Variants in ACSS3 observed in about 807,000 individuals in gnomAD.
ACSS3 encodes the protein acyl-CoA synthetase short-chain family member 3, mitochondrial.
ACSS3 carries 64 observed loss-of-function variants against 84.2 expected under a neutral mutation model. That is an observed-to-expected ratio of 0.76 (90% CI 0.62 to 0.94). The LOEUF (loss-of-function observed/expected upper bound fraction) is 0.94, where lower values mean the gene tolerates loss of function less well. Among genes scored for constraint, ACSS3 ranks in the 40% least tolerant of loss-of-function variants. ACSS3 has a pLI of 0.00. For synonymous variants in ACSS3, 317 were observed against 310.1 expected (o/e 1.02, Z -0.23); for missense variants, 815 against 867.6 (o/e 0.94, Z 0.76).
intron 8 of ACSS3, among the ~76,000 whole-genome samples, chr12:81,176,081 T>C (rs746434259): frequency 2.8e-4 from 43 of 151,946 alleles, no homozygotes; most frequent in Non-Finnish European, 4.9e-4. Flanking sequence ...TTTTAAAGAA[T>C]AAAAATCTTG....
At chr12:81,087,442 G>A (rs1881390672) in intron 1 of ACSS3, among the ~76,000 whole-genome samples, 1 of 151,754 alleles carries the variant, frequency 6.6e-6, no homozygotes, top group Non-Finnish European at 1.5e-5. Context: ...AAGAGGAAGA[G>A]AAGAAGAAGA....
chr12:81,190,403 A>G (rs953086951), intron 8 of ACSS3, among the ~76,000 whole-genome samples: 3 of 152,030 alleles, frequency 2.0e-5, no homozygotes, highest in Non-Finnish European at 1.5e-5. Context: ...GGTATTGTTT[A>G]CATTTGCATT....
chr12:81,105,984 A>G (rs1199818066), intron 1 of ACSS3, among the ~76,000 whole-genome samples: 1 of 152,192 alleles, frequency 6.6e-6, no homozygotes, highest in African/African-American at 2.4e-5. Flanking sequence ...AGGAACTGCA[A>G]AGTTTGTAAT....
chr12:81,212,363 A>C (rs898348783), intron 9 of ACSS3, among the ~76,000 whole-genome samples: 2 of 152,168 alleles, frequency 1.3e-5, no homozygotes, highest in Non-Finnish European at 2.9e-5. Context: ...CAGTAATGCT[A>C]TTTGCAAGTA....
At chr12:81,197,371 A>G (rs1384086743) in intron 8 of ACSS3, among the ~76,000 whole-genome samples, 1 of 152,172 alleles carries the variant, frequency 6.6e-6, no homozygotes, top group Non-Finnish European at 1.5e-5. Context: ...AAGATTATCT[A>G]TAAAAGTTGG....
chr12:81,082,693 A>G (rs1243480332), intron 1 of ACSS3, among the ~76,000 whole-genome samples: 1 of 152,200 alleles, frequency 6.6e-6, no homozygotes, highest in Non-Finnish European at 1.5e-5. Flanking sequence ...CTGGCATATA[A>G]TACCTGTCAG....
intron 7 of ACSS3, among the ~76,000 whole-genome samples, chr12:81,173,294 A>C (rs971817500): frequency 2.0e-5 from 3 of 152,150 alleles, no homozygotes; most frequent in Non-Finnish European, 2.9e-5. Flanking sequence ...TATTATTTGC[A>C]TGTGTTGATT....
chr12:81,078,095 T>C lies in ACSS3; in HGVS notation c.-26T>C. On this transcript the variant is annotated 5_prime_UTR_variant, in exon 1 of 16. Coordinates refer to ENST00000548058, the MANE Select transcript of ACSS3 (RefSeq NM_024560.4). Reference sequence around the variant, plus strand: ...TGCAAGAGTACCATTTGTCGCACACTCGGGGACCGCGGGTGGCCGGAGGAG... The same window carrying C: ...TGCAAGAGTACCATTTGTCGCACACCCGGGGACCGCGGGTGGCCGGAGGAG... 2.7e-6 allele frequency: 4 copies of C among 1,457,390 alleles called. No homozygotes were observed. The highest frequency in any genetic ancestry group is 3.6e-6 in the Non-Finnish European group (4 of 1,106,652). 90.3% of individuals were successfully genotyped at this position (1,457,390 alleles called of 1,614,324 possible). A position where few individuals can be genotyped will look rare whatever the true frequency, so the allele number is the denominator to read the frequency against.
intron 11 of ACSS3, among the ~76,000 whole-genome samples, chr12:81,223,602 GTA>G (rs1160774022): frequency 6.6e-6 from 1 of 152,002 alleles, no homozygotes; most frequent in East Asian, 1.9e-4. Flanking sequence ...ACATAACAAA[GTA>G]TGCAACATTA....
chr12:81,126,726 G>A (rs1456773353), intron 2 of ACSS3, among the ~76,000 whole-genome samples: 1 of 152,206 alleles, frequency 6.6e-6, no homozygotes, highest in East Asian at 1.9e-4. Flanking sequence ...ATTATTTTGA[G>A]CTTGAACTAA....
chr12:81,191,237 C>T (rs1368225603), intron 8 of ACSS3, among the ~76,000 whole-genome samples: 1 of 151,998 alleles, frequency 6.6e-6, no homozygotes, highest in Non-Finnish European at 1.5e-5. Flanking sequence ...TGGTATTGAA[C>T]ATTCTATGAA....
intron 1 of ACSS3, among the ~76,000 whole-genome samples, chr12:81,096,243 C>T (rs1380846326): frequency 1.3e-5 from 2 of 152,120 alleles, no homozygotes; most frequent in South Asian, 2.1e-4. Flanking sequence ...GAGAAAGTGT[C>T]AGGAGAGAAT....
chr12:81,109,782 G>C (rs1883418815), intron 2 of ACSS3, 78 bp downstream of exon 2: 3 of 1,191,140 alleles, frequency 2.5e-6, no homozygotes, highest in Admixed American at 2.8e-5. Context: ...TCATTGTAGA[G>C]CCTTCAATTC....
chr12:81,144,314 G>A (rs1886224342), intron 5 of ACSS3, among the ~76,000 whole-genome samples: 1 of 152,074 alleles, frequency 6.6e-6, no homozygotes, highest in African/African-American at 2.4e-5. Flanking sequence ...ATAAATTTTT[G>A]TTGAATTCAT....
chr12:81,206,990 T>C lies in ACSS3; in HGVS notation c.1354+7546T>C, dbSNP rs537342956. On this transcript the variant is annotated intron_variant, in intron 9 of 15. Transcript: ENST00000548058. ...CACAAATTAGTTCAGAGATGTAGAA[T>C]TGTGTTTTGGAATCACTATTTGTGC... 2.1e-4 allele frequency among the ~76,000 whole-genome samples: 32 copies of C among 152,262 alleles called. No individual in the cohort carries two copies. The South Asian group carries it at 6.4e-3, about 31-fold the overall frequency.
Position 81,174,902 on chromosome 12 carries a change from C to G in ACSS3, c.1213C>G (p.Pro405Ala). 6.2e-7 allele frequency: 1 copy of G among 1,613,816 alleles called. No individual in the cohort carries two copies. Among genetic ancestry groups the G allele is most frequent in the Non-Finnish European group, 8.5e-7 (1 of 1,179,836 alleles). Reference sequence around the variant, plus strand: ...AATTAGAGCAATCCGTCAACAGGACCCTGGGGCAGCTTTGGGGAAGCAGTA... The same window carrying G: ...AATTAGAGCAATCCGTCAACAGGACGCTGGGGCAGCTTTGGGGAAGCAGTA... ...TAIRAIRQQD[P>A]GAALGKQYSL... The change falls in exon 8 of 16, where the codon CCT becomes GCT. Residue 405 changes from proline (P) to alanine (A), a missense_variant. Pro to Ala is a conservative substitution (Grantham distance 27, BLOSUM62 -1). Coordinates refer to ENST00000548058, the MANE Select transcript of ACSS3 (RefSeq NM_024560.4).
intron 8 of ACSS3, among the ~76,000 whole-genome samples, chr12:81,193,867 C>G (rs937940256): frequency 1.4e-4 from 21 of 151,568 alleles, no homozygotes; most frequent in Non-Finnish European, 4.4e-5. Flanking sequence ...ACAGTCAGAT[C>G]TAGAACATAC....
chr12:81,185,232 C>T (rs908421078), intron 8 of ACSS3, among the ~76,000 whole-genome samples: 1 of 151,598 alleles, frequency 6.6e-6, no homozygotes, highest in Non-Finnish European at 1.5e-5. Context: ...TATGAAAAAC[C>T]TACAGCTAAC....
At chr12:81,137,360 CACA>C (rs1565998331) in intron 3 of ACSS3, among the ~76,000 whole-genome samples, 49 of 140,748 alleles carry the variant, frequency 3.5e-4, no homozygotes, top group Non-Finnish European at 6.6e-4. Flanking sequence ...CACACACACA[CACA>C]CCCCTAATAC....
Sources: gnomAD v4.1 joint callset for allele counts (sites outside exome capture counted in the v4.1 genomes callset) on GRCh38, gnomAD v4.1.1 for gene constraint, MANE v1.5 for transcripts, NCBI Gene and HGNC (gene_info 2026-07-23, HGNC 2026-07-21) for gene names.